APPBP2: variants seen among roughly 807,000 people sequenced by gnomAD.
The protein encoded by APPBP2 is amyloid beta precursor protein binding protein 2.
APPBP2 carries 15 observed loss-of-function variants against 76.0 expected under a neutral mutation model. The ratio of observed to expected loss-of-function variants is 0.20; its 90% CI spans 0.13 to 0.30. The LOEUF (loss-of-function observed/expected upper bound fraction) is 0.30. Among genes scored for constraint, APPBP2 ranks in the 10% least tolerant of loss-of-function variants. The pLI, the probability that APPBP2 is intolerant of heterozygous loss-of-function variation, is 1.00. For synonymous variants in APPBP2, 222 were observed against 242.2 expected, an observed-to-expected ratio of 0.92 and a Z score of 0.77; for missense variants, 401 against 687.2, an observed-to-expected ratio of 0.58 and a Z score of 4.66.
chr17:60,478,089 A>C (rs1465309502), intron 4 of APPBP2, among the ~76,000 whole-genome samples: 3 of 152,164 alleles, frequency 2.0e-5, no homozygotes, highest in Admixed American at 2.0e-4. Flanking sequence ...CTCATCTAAA[A>C]AATACCTAGG....
intron 1 of APPBP2, among the ~76,000 whole-genome samples, chr17:60,501,462 T>C (rs2090822994): frequency 1.3e-5 from 2 of 152,146 alleles, no homozygotes; most frequent in African/African-American, 2.4e-5. Context: ...AGTGGTGCAA[T>C]CTCGGCTCAC....
chr17:60,456,143 A>T (rs1306075179), intron 10 of APPBP2, among the ~76,000 whole-genome samples, 153 bp downstream of exon 10: 3 of 152,204 alleles, frequency 2.0e-5, no homozygotes, highest in African/African-American at 7.2e-5. Flanking sequence ...CCCCTTAAGT[A>T]GAGTTGTGGT....
In APPBP2 at chr17:60,447,487, CA is replaced by C. The variant is rs1162522783; in HGVS notation, c.*93del. ...AATGGACTGGACCAGTGTTTCAATG[CA>C]AATTCCAGCCCCCCAAAACAACATG... On this transcript the variant is annotated 3_prime_UTR_variant, in exon 13 of 13. Coordinates refer to ENST00000083182, the MANE Select transcript of APPBP2 (RefSeq NM_006380.5). 2.8e-6 allele frequency: 4 copies of C among 1,452,070 alleles called. No homozygotes were observed. The African/African-American group carries it at 5.7e-5, about 21-fold the overall frequency. The allele number at this position is 1,452,070 out of a possible 1,614,324, so 89.9% of individuals were successfully genotyped here.
intron 1 of APPBP2, chr17:60,513,572 T>C (rs1317448569): frequency 4.6e-6 from 2 of 435,996 alleles, no homozygotes; most frequent in Non-Finnish European, 8.4e-6. Flanking sequence ...TCTACATTTT[T>C]ATTTTGAGGG....
chr17:60,490,123 T>C lies in APPBP2; in HGVS notation c.379+4343A>G, dbSNP rs180930935. Among the ~76,000 whole-genome samples, 313 of 152,270 alleles carry C rather than the reference T, an allele frequency of 2.1e-3. 2 individuals carry two copies. Among genetic ancestry groups the C allele is most frequent in the Non-Finnish European group, 3.3e-3 (223 of 68,018 alleles). ...ATCAAATAGTACTGTATCTTGATAGTGATGGTGGTTGTACGACTCTACATG... is the reference window on the plus strand; with the variant it reads ...ATCAAATAGTACTGTATCTTGATAGCGATGGTGGTTGTACGACTCTACATG... On this transcript the variant is annotated intron_variant, in intron 3 of 12. Transcript: ENST00000083182.
chr17:60,494,281 G>A (rs1176548603), intron 3 of APPBP2, among the ~76,000 whole-genome samples, 185 bp downstream of exon 3: 1 of 152,202 alleles, frequency 6.6e-6, no homozygotes, highest in African/African-American at 2.4e-5. Flanking sequence ...GGAATGTCAT[G>A]AGGATTTAGA....
intron 1 of APPBP2, among the ~76,000 whole-genome samples, chr17:60,525,389 G>C (rs560533579): frequency 6.6e-6 from 1 of 152,326 alleles, no homozygotes; most frequent in African/African-American, 2.4e-5. Context: ...GGAATGGGTG[G>C]GGGGAGGAGC....
At chr17:60,473,031 T>C (rs1161571720) in intron 4 of APPBP2, among the ~76,000 whole-genome samples, 1 of 152,202 alleles carries the variant, frequency 6.6e-6, no homozygotes, top group Non-Finnish European at 1.5e-5. Context: ...TTTTAATTTT[T>C]TAACCCTCTT....
chr17:60,467,521 C>T (rs1466952407), intron 4 of APPBP2, among the ~76,000 whole-genome samples: 2 of 152,290 alleles, frequency 1.3e-5, no homozygotes, highest in Non-Finnish European at 2.9e-5. Context: ...CCTCCCAACA[C>T]GTACCATACA....
chr17:60,458,941 T>G (rs1029134266), intron 9 of APPBP2, among the ~76,000 whole-genome samples: 1 of 151,944 alleles, frequency 6.6e-6, no homozygotes, highest in African/African-American at 2.4e-5. Flanking sequence ...CCTGGCTAAT[T>G]TTTGTATTTT....
chr17:60,464,211 AAC>A (rs2090495039), intron 5 of APPBP2, 101 bp from the exon 6 acceptor site: 1 of 743,204 alleles, frequency 1.3e-6, no homozygotes, highest in Admixed American at 2.7e-5. Flanking sequence ...CTTAAATAAG[AAC>A]ACACACAAAA....
At chr17:60,456,248 C>A in intron 10 of APPBP2, 48 bp downstream of exon 10, 1 of 1,236,334 alleles carries the variant, frequency 8.1e-7, no homozygotes, top group South Asian at 1.2e-5. Context: ...TATTTTATAC[C>A]ATATATCATC....
intron 3 of APPBP2, among the ~76,000 whole-genome samples, chr17:60,489,419 T>G (rs2090707978): frequency 6.6e-6 from 1 of 151,932 alleles, no homozygotes; most frequent in Non-Finnish European, 1.5e-5. Context: ...GAGACCAGCC[T>G]GGCCAACATG....
In APPBP2 at chr17:60,443,571, A is replaced by G. The variant is rs2090320072; in HGVS notation, c.*4010T>C. 1 of 152,668 alleles carries G rather than the reference A, an allele frequency of 6.6e-6. No individual in the cohort carries two copies. The highest frequency in any genetic ancestry group is 1.5e-5 in the Non-Finnish European group (1 of 68,038). 9.5% of individuals were successfully genotyped at this position (152,668 alleles called of 1,614,324 possible). A position where few individuals can be genotyped will look rare whatever the true frequency, so the allele number is the denominator to read the frequency against. ...ATTCACATCATAAAAGTAGAACTGA[A>G]AAGTTTTAGTTACCATGGCAAAATA... On this transcript the variant is annotated 3_prime_UTR_variant, in exon 13 of 13. Coordinates refer to ENST00000083182, the MANE Select transcript of APPBP2 (RefSeq NM_006380.5).
chr17:60,466,250 G>C, intron 5 of APPBP2, 41 bp downstream of exon 5: 1 of 1,562,666 alleles, frequency 6.4e-7, no homozygotes, highest in Non-Finnish European at 8.8e-7. Context: ...GTTTTTATAG[G>C]TACTTATTGG....
intron 8 of APPBP2, 89 bp from the exon 9 acceptor site, chr17:60,460,876 A>C: frequency 7.4e-7 from 1 of 1,359,090 alleles, no homozygotes; most frequent in East Asian, 2.5e-5. Flanking sequence ...ATATATCTAT[A>C]TGCCTAACAC....
chr17:60,479,608 A>C (rs890775249), intron 3 of APPBP2, among the ~76,000 whole-genome samples: 11 of 152,222 alleles, frequency 7.2e-5, no homozygotes, highest in African/African-American at 2.7e-4. Context: ...AGCATCTCCC[A>C]ATACACAATC....
At chr17:60,454,602 G>A in intron 10 of APPBP2, 110 bp from the exon 11 acceptor site, 1 of 670,560 alleles carries the variant, frequency 1.5e-6, no homozygotes. Context: ...ATATTTATAT[G>A]TGATTATGGT....
chr17:60,523,180 T>C (rs1292416654), intron 1 of APPBP2, among the ~76,000 whole-genome samples: 2 of 152,148 alleles, frequency 1.3e-5, no homozygotes, highest in African/African-American at 2.4e-5. Context: ...GGCTTTAAAG[T>C]GCAGAAAATT....
Sources: allele counts gnomAD v4.1 joint callset (sites outside exome capture counted in the v4.1 genomes callset), GRCh38; gene constraint gnomAD v4.1.1; transcripts MANE v1.5; gene names NCBI Gene and HGNC (gene_info 2026-07-23, HGNC 2026-07-21).